The following SMIM23 variants were observed in gnomAD, a reference collection of about 807,000 sequenced individuals.
SMIM23 encodes the protein CTB-78H18.1.
Under a neutral mutation model 12.8 loss-of-function variants are expected in SMIM23, and 10 were observed. The ratio of observed to expected loss-of-function variants is 0.78; its 90% CI spans 0.48 to 1.32. The LOEUF is 1.32. SMIM23 is among the 40% of genes most tolerant of loss of function. The probability of loss-of-function intolerance (pLI) is 0.00; values close to 1 mark genes in which losing one functional copy is unlikely to be tolerated. For missense variants in SMIM23, 184 were observed against 198.2 expected (o/e 0.93, Z 0.43); for synonymous variants, 78 against 80.1 (o/e 0.97, Z 0.14).
upstream of SMIM23, among the ~76,000 whole-genome samples, chr5:171,781,594 C>T (rs1755727311): frequency 1.3e-5 from 2 of 151,514 alleles, no homozygotes; most frequent in Non-Finnish European, 2.9e-5. Flanking sequence ...TTTTGTGTGT[C>T]CGTGTCCTAA....
At chr5:171,786,564 A>G (rs1357197383) in intron 1 of SMIM23, among the ~76,000 whole-genome samples, 1 of 152,226 alleles carries the variant, frequency 6.6e-6, no homozygotes, top group African/African-American at 2.4e-5. Context: ...TTCATCTGCT[A>G]TGAGAACCCT....
At chr5:171,785,807 G>T, upstream of SMIM23, 1 of 1,305,930 alleles carries the variant, frequency 7.7e-7, no homozygotes, top group Non-Finnish European at 1.1e-6. Context: ...ACCACAGGTG[G>T]GGGAGGGGAA....
upstream of SMIM23, among the ~76,000 whole-genome samples, chr5:171,783,673 A>G (rs762796293): frequency 7.9e-5 from 12 of 152,260 alleles, no homozygotes; most frequent in Non-Finnish European, 1.3e-4. Context: ...TTGCCATGAA[A>G]GAGCACAATT....
chr5:171,790,654 GT>G lies in SMIM23; in HGVS notation c.225+106del. On this transcript the variant is annotated intron_variant, in intron 3 of 3. Transcript: ENST00000523047. The stretch of plus-strand genomic sequence containing the variant: ...TGAAAGATAAGTAGTCGCTTGTCAA[GT>G]GCAGAAGGTGGGAACAGGTACTACG... 2.2e-6 allele frequency: 3 copies of G among 1,378,982 alleles called. No homozygotes were observed. The Admixed American group carries it at 6.0e-5, about 27-fold the overall frequency. The allele number at this position is 1,378,982 out of a possible 1,614,324, so 85.4% of individuals were successfully genotyped here.
At chr5:171,776,481 G>A in the SMIM23 span, among the ~76,000 whole-genome samples, 1 of 152,110 alleles carries the variant, frequency 6.6e-6, no homozygotes, top group Non-Finnish European at 1.5e-5. Flanking sequence ...AAAACCCCGC[G>A]TTCAACCAGG....
chr5:171,777,817 GAGTCTTGGGGGTGACAC>G (rs1223324625), upstream of SMIM23, among the ~76,000 whole-genome samples: 2 of 152,160 alleles, frequency 1.3e-5, no homozygotes, highest in Non-Finnish European at 2.9e-5. Context: ...CCCATCAGAT[GAGTCTTGGGGGTGACAC>G]AGCCTTGTCT....
the SMIM23 span, among the ~76,000 whole-genome samples, chr5:171,776,069 C>T: frequency 6.6e-6 from 1 of 152,162 alleles, no homozygotes; most frequent in African/African-American, 2.4e-5. Context: ...CGGGGTTTCG[C>T]CATGTTGGCC....
At chr5:171,781,354 C>T (rs1211132627), upstream of SMIM23, among the ~76,000 whole-genome samples, 1 of 152,172 alleles carries the variant, frequency 6.6e-6, no homozygotes, top group Non-Finnish European at 1.5e-5. Context: ...ACAGCCCCGG[C>T]TAAGGGGAAA....
upstream of SMIM23, among the ~76,000 whole-genome samples, chr5:171,781,543 C>T (rs897177950): frequency 1.5e-4 from 22 of 149,772 alleles, no homozygotes; most frequent in East Asian, 2.1e-3. Context: ...AAGTGCCCCC[C>T]CCCGTCTCTA....
chr5:171,777,546 C>T (rs1457739421), upstream of SMIM23, among the ~76,000 whole-genome samples: 1 of 152,236 alleles, frequency 6.6e-6, no homozygotes, highest in Non-Finnish European at 1.5e-5. Flanking sequence ...GGCCTCCCAG[C>T]CTCTGCTTGC....
At chr5:171,775,458 G>T in the SMIM23 span, among the ~76,000 whole-genome samples, 1 of 152,104 alleles carries the variant, frequency 6.6e-6, no homozygotes, top group African/African-American at 2.4e-5. Flanking sequence ...TCTAGCTTGT[G>T]CTCAAATGAA....
chr5:171,790,669 A>G (rs1171777658), intron 3 of SMIM23, 120 bp downstream of exon 3: 16 of 1,371,804 alleles, frequency 1.2e-5, no homozygotes, highest in Non-Finnish European at 1.6e-5. Context: ...GAAGGTGGGA[A>G]CAGGTACTAC....
chr5:171,773,683 C>T, the SMIM23 span: 1 of 431,540 alleles, frequency 2.3e-6, no homozygotes, highest in Non-Finnish European at 4.6e-6. Context: ...GGCATAGTGT[C>T]CAGTAGCCAG....
Sources: allele counts gnomAD v4.1 joint callset (sites outside exome capture counted in the v4.1 genomes callset), GRCh38; gene constraint gnomAD v4.1.1; transcripts MANE v1.5; gene names NCBI Gene and HGNC (gene_info 2026-07-23, HGNC 2026-07-21).